Variants in ZNF451 observed in about 807,000 individuals in gnomAD.
ZNF451 encodes the protein E3 SUMO-protein ligase ZNF451.
In ZNF451, 80 loss-of-function variants were observed where a neutral mutation model predicts 107.1. The ratio of observed to expected loss-of-function variants is 0.75; its 90% CI spans 0.62 to 0.90. The LOEUF is 0.90. Ranked by LOEUF, ZNF451 falls within the 40% of genes least tolerant of loss-of-function variation. The probability of loss-of-function intolerance (pLI) is 0.00; values close to 1 mark genes in which losing one functional copy is unlikely to be tolerated. For missense variants in ZNF451, 1,107 were observed against 1,236.2 expected (o/e 0.90, Z 1.57); for synonymous variants, 362 against 406.5 (o/e 0.89, Z 1.32).
chr6:57,141,469 C>G lies in ZNF451; in HGVS notation c.856+14C>G, dbSNP rs371492245. 86 of 1,590,374 alleles carry G rather than the reference C, an allele frequency of 5.4e-5. No individual in the cohort carries two copies. Among genetic ancestry groups the G allele is most frequent in the South Asian group, 4.2e-4 (36 of 86,612 alleles). ...TCAAACTGGGTGGTATGTTAATACTCTCTTCTGCTGAAAATTAAACTACTT... is the reference window on the plus strand; with the variant it reads ...TCAAACTGGGTGGTATGTTAATACTGTCTTCTGCTGAAAATTAAACTACTT... On this transcript the variant is annotated intron_variant, in intron 8 of 14. Transcript: ENST00000370706.
At chr6:57,132,078 A>G (rs192056143) in intron 5 of ZNF451, among the ~76,000 whole-genome samples, 26 of 152,314 alleles carry the variant, frequency 1.7e-4, no homozygotes, top group Admixed American at 2.0e-4. Flanking sequence ...AAAATTGTGG[A>G]CAAACTGTTT....
chr6:57,127,962 A>G lies in ZNF451; in HGVS notation c.313-767A>G, dbSNP rs1226316415. Among the ~76,000 whole-genome samples, 6 of 152,288 alleles carry G rather than the reference A, an allele frequency of 3.9e-5. No homozygotes were observed. In the East Asian group the frequency reaches 9.6e-4, roughly 24 times the overall value. On this transcript the variant is annotated intron_variant, in intron 4 of 14. Transcript: ENST00000370706. The stretch of plus-strand genomic sequence containing the variant: ...AACACTGCTACACTCACTTGTTTAC[A>G]TATTGTCTGTGGCTGCTCTCCTGCT...
At chr6:57,124,984 A>C in intron 4 of ZNF451, 125 bp downstream of exon 4, 100 of 482,326 alleles carry the variant, frequency 2.1e-4, no homozygotes, top group Non-Finnish European at 2.9e-4. Context: ...TAGATAGCTC[A>C]TGAATTTAGT....
intron 14 of ZNF451, among the ~76,000 whole-genome samples, chr6:57,162,264 A>G (rs1403020172): frequency 6.6e-6 from 1 of 152,176 alleles, no homozygotes; most frequent in Non-Finnish European, 1.5e-5. Flanking sequence ...CCCAACTGGT[A>G]TGTTTTCTTT....
rs564609161 is a variant in ZNF451 at position 57,154,806 on chromosome 6, T to G, written c.3070+759T>G. ...AATTCATGAATAAGGTTTGAAGATA[T>G]TAATGAATTACCTTAATGAAAAATA... On this transcript the variant is annotated intron_variant, in intron 13 of 14. Coordinates refer to ENST00000370706, the MANE Select transcript of ZNF451 (RefSeq NM_001031623.3). 4.6e-5 allele frequency among the ~76,000 whole-genome samples: 7 copies of G among 152,350 alleles called. No individual in the cohort carries two copies. In the South Asian group the frequency reaches 1.4e-3, roughly 32 times the overall value.
At chr6:57,155,601 C>T (rs1377798342) in intron 13 of ZNF451, among the ~76,000 whole-genome samples, 1 of 152,196 alleles carries the variant, frequency 6.6e-6, no homozygotes, top group Non-Finnish European at 1.5e-5. Context: ...GGCCAACCTC[C>T]CTTTCCTTCT....
intron 5 of ZNF451, among the ~76,000 whole-genome samples, chr6:57,129,276 C>T (rs946675670): frequency 6.6e-6 from 1 of 152,062 alleles, no homozygotes; most frequent in Non-Finnish European, 1.5e-5. Flanking sequence ...AGGAAGCATC[C>T]TCATAGACTT....
At chr6:57,110,607 G>T (rs1378800355) in intron 3 of ZNF451, among the ~76,000 whole-genome samples, 1 of 152,170 alleles carries the variant, frequency 6.6e-6, no homozygotes, top group African/African-American at 2.4e-5. Context: ...CTATGGAAAG[G>T]TGTCCTCAGG....
At chr6:57,166,988 A>C (rs1016165362) in intron 14 of ZNF451, among the ~76,000 whole-genome samples, 3 of 152,178 alleles carry the variant, frequency 2.0e-5, no homozygotes, top group African/African-American at 7.2e-5. Context: ...TAATCCCTAT[A>C]AGCTCACTGG....
At chr6:57,138,769 GTGTGTGTA>G (rs1831593892) in intron 7 of ZNF451, among the ~76,000 whole-genome samples, 3 of 126,050 alleles carry the variant, frequency 2.4e-5, no homozygotes, top group African/African-American at 8.8e-5. Context: ...GTGTGTGTGT[GTGTGTGTA>G]TATATATATA....
At chr6:57,110,012 G>C (rs531302721) in intron 3 of ZNF451, among the ~76,000 whole-genome samples, 67 of 152,312 alleles carry the variant, frequency 4.4e-4, no homozygotes, top group South Asian at 8.3e-4. Context: ...CTTTTTGGAA[G>C]AATGCCTGTG....
intron 3 of ZNF451, chr6:57,107,329 A>G (rs981764765): frequency 5.7e-5 from 56 of 984,286 alleles, no homozygotes; most frequent in Non-Finnish European, 6.5e-5. Context: ...GTGGCTTTGT[A>G]TTTGTATATT....
At chr6:57,105,259 A>T (rs779684557) in intron 3 of ZNF451, 2 of 985,284 alleles carry the variant, frequency 2.0e-6, no homozygotes, top group Non-Finnish European at 2.4e-6. Flanking sequence ...CTCAAAAAGG[A>T]TGTATCTAAT....
intron 14 of ZNF451, among the ~76,000 whole-genome samples, chr6:57,163,266 C>T (rs1263017244): frequency 6.6e-6 from 1 of 151,920 alleles, no homozygotes; most frequent in Non-Finnish European, 1.5e-5. Flanking sequence ...ACTCTCTATT[C>T]TGGGCTCCCT....
rs536968776 is a variant in ZNF451 at position 57,148,346 on chromosome 6, G to A, written c.2261G>A (p.Arg754His). Residue 754 changes from arginine to histidine, a missense_variant, in exon 10 of 15, where the codon CGC (arginine) becomes CAC (histidine). Transcript: ENST00000370706. ...IMLDKGKLWFRCSLCSATAQN... is the reference protein window; with the variant it reads ...IMLDKGKLWFHCSLCSATAQN... ...CTGGATAAAGGAAAACTGTGGTTTC[G>A]CTGCAGTTTATGTTCGGCAACAGCA... 181 of 1,613,914 alleles carry A rather than the reference G, an allele frequency of 1.1e-4. 2 individuals carry two copies. In the South Asian group the frequency reaches 1.7e-3, roughly 15 times the overall value.
chr6:57,110,058 GA>G (rs1416988616), intron 3 of ZNF451, among the ~76,000 whole-genome samples: 2 of 152,150 alleles, frequency 1.3e-5, no homozygotes, highest in African/African-American at 4.8e-5. Context: ...GAGGGGTGAG[GA>G]AAAGCTTTTC....
intron 3 of ZNF451, chr6:57,100,833 A>G: frequency 6.5e-7 from 1 of 1,547,952 alleles, no homozygotes; most frequent in South Asian, 1.2e-5. Flanking sequence ...CCCTTAAATC[A>G]TCACAGAATT....
At chr6:57,099,229 G>A (rs1051966788) in intron 3 of ZNF451, 88 bp downstream of exon 3, 25 of 1,088,244 alleles carry the variant, frequency 2.3e-5, no homozygotes, top group Non-Finnish European at 3.3e-5. Context: ...AGGGAAGGCT[G>A]TGTTTAGAAA....
chr6:57,097,060 G>A (rs971930854), intron 2 of ZNF451, among the ~76,000 whole-genome samples: 2 of 152,070 alleles, frequency 1.3e-5, no homozygotes, highest in African/African-American at 4.8e-5. Context: ...GTGAGCCACC[G>A]TGCATGGCCT....
Sources: gnomAD v4.1 joint callset for allele counts (sites outside exome capture counted in the v4.1 genomes callset) on GRCh38, gnomAD v4.1.1 for gene constraint, MANE v1.5 for transcripts, NCBI Gene and HGNC (gene_info 2026-07-23, HGNC 2026-07-21) for gene names.